The following UNC5C variants were observed in gnomAD, a reference collection of about 807,000 sequenced individuals.
UNC5C encodes the protein unc-5 netrin receptor C.
A neutral mutation model predicts 99.8 loss-of-function variants in UNC5C; 47 were observed. The observed-to-expected ratio is 0.47, with a 90% confidence interval of 0.37 to 0.60. The LOEUF is 0.60. Ranked by LOEUF, UNC5C falls within the 20% of genes least tolerant of loss-of-function variation. UNC5C has a pLI of 0.00. For synonymous variants in UNC5C, 487 were observed against 452.2 expected (o/e 1.08, Z -0.98); for missense variants, 1,062 against 1,165.9 (o/e 0.91, Z 1.30).
At chr4:95,234,387 T>TTTTA (rs1230651767) in intron 7 of UNC5C, among the ~76,000 whole-genome samples, 4 of 151,948 alleles carry the variant, frequency 2.6e-5, no homozygotes, top group Admixed American at 6.6e-5. Flanking sequence ...TTACCTTTTT[T>TTTTA]TTATTATACT....
intron 1 of UNC5C, among the ~76,000 whole-genome samples, chr4:95,366,067 G>A (rs1458483899): frequency 6.6e-6 from 1 of 152,102 alleles, no homozygotes; most frequent in East Asian, 1.9e-4. Context: ...ATCTGGTCCT[G>A]TCACAAAGGG....
chr4:95,401,950 A>G (rs563136781), intron 1 of UNC5C, among the ~76,000 whole-genome samples: 2 of 152,240 alleles, frequency 1.3e-5, no homozygotes, highest in Admixed American at 1.3e-4. Context: ...CGAAAGTGGT[A>G]TCTTACTGTG....
intron 1 of UNC5C, among the ~76,000 whole-genome samples, chr4:95,538,773 CAT>C (rs1440526296): frequency 1.3e-5 from 2 of 152,032 alleles, no homozygotes; most frequent in Admixed American, 6.5e-5. Context: ...TGTAAATATT[CAT>C]ATGTTAACCT....
chr4:95,473,812 A>G (rs545376019), intron 1 of UNC5C, among the ~76,000 whole-genome samples: 30 of 152,252 alleles, frequency 2.0e-4, no homozygotes, highest in African/African-American at 7.2e-4. Context: ...GATGGTAGCT[A>G]TAAATGACTT....
chr4:95,269,666 T>C (rs1376454936), intron 4 of UNC5C, among the ~76,000 whole-genome samples: 1 of 152,024 alleles, frequency 6.6e-6, no homozygotes, highest in Non-Finnish European at 1.5e-5. Context: ...ATCGTGTTGA[T>C]GTAGATAATC....
chr4:95,170,252 G>T lies in UNC5C; in HGVS notation c.2532C>A (p.Ile844=). ...AGAGCTTCTGCCGGATAGGGAGAGG[G>T]ATGCTGAAAGCACTGGGCCCCGTGA... is the stretch of plus-strand genomic sequence containing the variant. ...TTVTGPSAFS[I]PLPIRQKLCS... Residue 844 remains isoleucine (I), a synonymous_variant, in exon 15 of 16, where the codon ATC becomes ATA. Coordinates refer to ENST00000453304, the MANE Select transcript of UNC5C (RefSeq NM_003728.4). 1.9e-6 allele frequency: 3 copies of T among 1,614,142 alleles called. No homozygotes were observed. Among genetic ancestry groups the T allele is most frequent in the Non-Finnish European group, 2.5e-6 (3 of 1,180,048 alleles).
At chr4:95,242,235 G>A (rs983642809) in intron 7 of UNC5C, among the ~76,000 whole-genome samples, 194 bp downstream of exon 7, 3 of 152,046 alleles carry the variant, frequency 2.0e-5, no homozygotes, top group Admixed American at 6.5e-5. Context: ...TTTGTTAGCC[G>A]GACATAGTTA....
chr4:95,348,092 CAAAAGATTTG>C (rs756652291), intron 1 of UNC5C, among the ~76,000 whole-genome samples: 6 of 151,918 alleles, frequency 3.9e-5, no homozygotes, highest in Non-Finnish European at 8.8e-5. Context: ...AAATAATCAG[CAAAAGATTTG>C]AAAAGACATT....
chr4:95,177,012 C>T (rs1191753630), intron 14 of UNC5C, among the ~76,000 whole-genome samples: 1 of 152,160 alleles, frequency 6.6e-6, no homozygotes, highest in Non-Finnish European at 1.5e-5. Flanking sequence ...TTTCCAGGTG[C>T]CGTCTGTCAC....
At chr4:95,353,737 T>C (rs963677384) in intron 1 of UNC5C, among the ~76,000 whole-genome samples, 13 of 152,052 alleles carry the variant, frequency 8.5e-5, no homozygotes, top group African/African-American at 3.1e-4. Flanking sequence ...TGTGGTACAA[T>C]GTTTATCATT....
At chr4:95,261,551 T>G (rs1414929105) in intron 4 of UNC5C, among the ~76,000 whole-genome samples, 1 of 152,106 alleles carries the variant, frequency 6.6e-6, no homozygotes, top group Non-Finnish European at 1.5e-5. Flanking sequence ...TATAAATAAC[T>G]AAGGGAACAC....
intron 2 of UNC5C, among the ~76,000 whole-genome samples, chr4:95,312,661 T>C (rs191523560): frequency 6.6e-6 from 1 of 152,298 alleles, no homozygotes; most frequent in Admixed American, 6.5e-5. Context: ...ATGTTCCTAT[T>C]CCTTTCACTA....
At chr4:95,475,917 G>T (rs1203528633) in intron 1 of UNC5C, among the ~76,000 whole-genome samples, 2 of 152,044 alleles carry the variant, frequency 1.3e-5, no homozygotes, top group Admixed American at 6.6e-5. Flanking sequence ...GTTTTCAAAA[G>T]CTCACATAAT....
intron 1 of UNC5C, among the ~76,000 whole-genome samples, chr4:95,394,299 AAGG>A (rs1189889795): frequency 6.6e-6 from 1 of 151,850 alleles, no homozygotes; most frequent in Non-Finnish European, 1.5e-5. Flanking sequence ...CAAGTTTTGA[AAGG>A]AGGTGATGAA....
At chr4:95,468,768 T>A in intron 1 of UNC5C, among the ~76,000 whole-genome samples, 1 of 152,092 alleles carries the variant, frequency 6.6e-6, no homozygotes, top group South Asian at 2.1e-4. Context: ...ATTACAGATG[T>A]TGTGTTTGGG....
intron 12 of UNC5C, among the ~76,000 whole-genome samples, chr4:95,195,711 G>A (rs556454978): frequency 2.6e-4 from 40 of 152,228 alleles, no homozygotes; most frequent in Non-Finnish European, 1.0e-4. Context: ...GCCCAAGAAC[G>A]TGAGCATCAC....
At chr4:95,441,104 G>A (rs996472279) in intron 1 of UNC5C, among the ~76,000 whole-genome samples, 23 of 152,122 alleles carry the variant, frequency 1.5e-4, no homozygotes, top group African/African-American at 5.3e-4. Flanking sequence ...TCTAAATTTG[G>A]TTTTGACCAC....
At chr4:95,265,566 A>G (rs1740413653) in intron 4 of UNC5C, among the ~76,000 whole-genome samples, 1 of 152,194 alleles carries the variant, frequency 6.6e-6, no homozygotes. Context: ...AATTGATGAG[A>G]TGGATGTGAC....
At chr4:95,215,651 C>A (rs990771638) in intron 10 of UNC5C, among the ~76,000 whole-genome samples, 2 of 151,932 alleles carry the variant, frequency 1.3e-5, no homozygotes, top group South Asian at 2.1e-4. Context: ...AATACTTAAG[C>A]TAGAAGACAG....
Sources: allele counts gnomAD v4.1 joint callset (sites outside exome capture counted in the v4.1 genomes callset), GRCh38; gene constraint gnomAD v4.1.1; transcripts MANE v1.5; gene names NCBI Gene and HGNC (gene_info 2026-07-23, HGNC 2026-07-21).